MACROD2: variants seen among roughly 807,000 people sequenced by gnomAD.
MACROD2 encodes ADP-ribose glycohydrolase MACROD2.
MACROD2 carries 36 observed loss-of-function variants against 70.4 expected under a neutral mutation model. That is an observed-to-expected ratio of 0.51 (90% CI 0.39 to 0.68). The LOEUF is 0.68. Ranked by LOEUF, MACROD2 falls within the 30% of genes least tolerant of loss-of-function variation. The pLI is 0.00. For synonymous variants in MACROD2, 172 were observed against 178.8 expected (o/e 0.96, Z 0.30); for missense variants, 496 against 538.4 (o/e 0.92, Z 0.78).
At chr20:14,947,889 C>G (rs2074445445) in intron 5 of MACROD2, among the ~76,000 whole-genome samples, 1 of 152,180 alleles carries the variant, frequency 6.6e-6, no homozygotes, top group South Asian at 2.1e-4. Flanking sequence ...TAGCTCAATG[C>G]TGGCCCAGTG....
intron 12 of MACROD2, among the ~76,000 whole-genome samples, chr20:15,956,936 G>A (rs73900889): frequency 2.0e-5 from 3 of 152,198 alleles, no homozygotes; most frequent in Non-Finnish European, 4.4e-5. Flanking sequence ...AGAATCTGCT[G>A]ATGTGGCCAG....
chr20:14,731,750 C>G (rs1458045951), intron 5 of MACROD2, among the ~76,000 whole-genome samples: 2 of 152,052 alleles, frequency 1.3e-5, no homozygotes, highest in Non-Finnish European at 2.9e-5. Context: ...CTCTCTTTCT[C>G]TCTTAAATGC....
chr20:14,419,570 C>T (rs1295308158), intron 3 of MACROD2, among the ~76,000 whole-genome samples: 4 of 152,140 alleles, frequency 2.6e-5, no homozygotes, highest in Non-Finnish European at 5.9e-5. Context: ...TCCTCCCGCT[C>T]TAGCTGCTAT....
intron 3 of MACROD2, among the ~76,000 whole-genome samples, chr20:14,186,958 G>A (rs1000550559): frequency 3.9e-5 from 6 of 152,204 alleles, no homozygotes; most frequent in East Asian, 1.9e-4. Flanking sequence ...ATTTGAGGGC[G>A]GAGATGGGAA....
chr20:15,764,666 A>G (rs995390302), intron 8 of MACROD2, among the ~76,000 whole-genome samples: 2 of 152,096 alleles, frequency 1.3e-5, no homozygotes, highest in Non-Finnish European at 2.9e-5. Flanking sequence ...ATTGCCTTTC[A>G]TCTAAGCTGC....
intron 3 of MACROD2, among the ~76,000 whole-genome samples, chr20:14,290,372 A>G (rs1269143648): frequency 6.6e-6 from 1 of 152,224 alleles, no homozygotes; most frequent in Non-Finnish European, 1.5e-5. Flanking sequence ...AAGGGAGGAC[A>G]GAGAGAATTG....
At chr20:15,371,413 T>C (rs1300898577) in intron 6 of MACROD2, among the ~76,000 whole-genome samples, 1 of 152,190 alleles carries the variant, frequency 6.6e-6, no homozygotes, top group African/African-American at 2.4e-5. Context: ...AACTTTTCTC[T>C]ACTTTACAAT....
At chr20:15,186,186 G>A (rs1164997851) in intron 5 of MACROD2, among the ~76,000 whole-genome samples, 2 of 151,980 alleles carry the variant, frequency 1.3e-5, no homozygotes, top group Admixed American at 1.3e-4. Context: ...TCACATTTTG[G>A]GGGTATCTGC....
intron 8 of MACROD2, among the ~76,000 whole-genome samples, chr20:15,623,396 T>C (rs919932433): frequency 6.6e-6 from 1 of 152,220 alleles, no homozygotes; most frequent in African/African-American, 2.4e-5. Context: ...TTAATGACTG[T>C]AATGTCTTTT....
rs35890693 is a variant in MACROD2, at chr20:14,080,686, A to AT, written c.164-4925dup. On this transcript the variant is annotated intron_variant, in intron 2 of 17. Transcript: ENST00000684519. Reference sequence around the variant, plus strand: ...GGGTTATTAAATTCTAGTCCTGTTCATTTTTTTTTTAGCTTTCCGTTGTCA... The same window carrying AT: ...GGGTTATTAAATTCTAGTCCTGTTCATTTTTTTTTTTAGCTTTCCGTTGTCA... Among the ~76,000 whole-genome samples, 1,185 of 150,372 alleles carry AT rather than the reference A, an allele frequency of 7.9e-3. 31 individuals are homozygous for AT. Among genetic ancestry groups the AT allele is most frequent in the Admixed American group, 0.054 (821 of 15,172 alleles).
chr20:14,017,398 T>G (rs148745090), intron 2 of MACROD2, among the ~76,000 whole-genome samples: 2 of 152,248 alleles, frequency 1.3e-5, no homozygotes, highest in Non-Finnish European at 2.9e-5. Flanking sequence ...TTATTTTGTT[T>G]CTGATCTTAA....
chr20:15,270,360 A>G (rs1300660116), intron 6 of MACROD2, among the ~76,000 whole-genome samples: 1 of 152,184 alleles, frequency 6.6e-6, no homozygotes, highest in African/African-American at 2.4e-5. Flanking sequence ...GAATGAAAGA[A>G]GCCCGTCTCA....
chr20:14,092,340 T>A (rs1241599381), intron 3 of MACROD2, among the ~76,000 whole-genome samples: 2 of 152,180 alleles, frequency 1.3e-5, no homozygotes, highest in Non-Finnish European at 2.9e-5. Context: ...TTTTGCCATT[T>A]TGTAATGGGT....
At chr20:14,136,882 G>A (rs1184901607) in intron 3 of MACROD2, among the ~76,000 whole-genome samples, 1 of 152,000 alleles carries the variant, frequency 6.6e-6, no homozygotes, top group African/African-American at 2.4e-5. Context: ...AATTCCATCT[G>A]CCCCCAGAAT....
At chr20:15,071,708 A>G (rs1273949023) in intron 5 of MACROD2, among the ~76,000 whole-genome samples, 1 of 152,210 alleles carries the variant, frequency 6.6e-6, no homozygotes, top group Non-Finnish European at 1.5e-5. Context: ...TAGAAAAACA[A>G]TGAACAGTGC....
chr20:14,436,921 T>C (rs2084062580), intron 3 of MACROD2, among the ~76,000 whole-genome samples: 1 of 152,228 alleles, frequency 6.6e-6, no homozygotes, highest in African/African-American at 2.4e-5. Context: ...TCATTAACTT[T>C]GCTTGGTTTT....
At chr20:15,558,109 G>C (rs1035178) in intron 8 of MACROD2, among the ~76,000 whole-genome samples, 15,186 of 152,226 alleles carry the variant, frequency 0.1, 1,279 homozygotes, top group African/African-American at 0.23. Context: ...GACACTCAGG[G>C]TTTCTCTACT....
intron 2 of MACROD2, among the ~76,000 whole-genome samples, chr20:14,071,454 G>T (rs1304974752): frequency 2.0e-5 from 3 of 151,650 alleles, no homozygotes; most frequent in East Asian, 3.9e-4. Flanking sequence ...TAGAGACAGG[G>T]TTTCACCATG....
intron 4 of MACROD2, among the ~76,000 whole-genome samples, chr20:14,541,598 TCACA>T (rs139991575): frequency 2.5e-4 from 38 of 150,246 alleles, no homozygotes; most frequent in Non-Finnish European, 5.0e-4. Context: ...ACAGCACACA[TCACA>T]CACACACACA....
Sources: allele counts gnomAD v4.1 joint callset (sites outside exome capture counted in the v4.1 genomes callset), GRCh38; gene constraint gnomAD v4.1.1; transcripts MANE v1.5; gene names NCBI Gene and HGNC (gene_info 2026-07-23, HGNC 2026-07-21).